Variants in MID1 observed in about 807,000 individuals in gnomAD.
The protein encoded by MID1 is midline 1.
MID1 carries 7 observed loss-of-function variants against 40.4 expected under a neutral mutation model. That is an observed-to-expected ratio of 0.17 (90% CI 0.10 to 0.33). The LOEUF is 0.33. Among genes scored for constraint, MID1 ranks in the 10% least tolerant of loss-of-function variants. The pLI, the probability that MID1 is intolerant of heterozygous loss-of-function variation, is 1.00. For synonymous variants in MID1, 229 were observed against 221.2 expected (o/e 1.04, Z -0.31); for missense variants, 367 against 558.5 (o/e 0.66, Z 3.46).
At chrX:10,583,363 C>T (rs1342043225) in intron 1 of MID1, among the ~76,000 whole-genome samples, 1 of 112,239 alleles carries the variant, frequency 8.9e-6, no homozygotes. Flanking sequence ...CATATTTGTG[C>T]TGGCTTTCTT....
At chrX:10,731,690 G>A (rs2043449455) in intron 1 of MID1, among the ~76,000 whole-genome samples, 1 of 111,155 alleles carries the variant, frequency 9.0e-6, no homozygotes, top group African/African-American at 3.3e-5. Flanking sequence ...GGGGGCGGTG[G>A]CTCATGCCTG....
At chrX:10,726,096 T>C (rs1185365457) in intron 1 of MID1, among the ~76,000 whole-genome samples, 3 of 111,764 alleles carry the variant, frequency 2.7e-5, no homozygotes, top group Non-Finnish European at 3.8e-5. Flanking sequence ...GCTGTGTAAA[T>C]AAGACATATA....
At chrX:10,831,089 A>C (rs1414959144) in intron 1 of MID1, among the ~76,000 whole-genome samples, 1 of 112,010 alleles carries the variant, frequency 8.9e-6, no homozygotes, top group Non-Finnish European at 1.9e-5. Flanking sequence ...ATAACCTTCC[A>C]GGGATCAGCT....
chrX:10,471,280 A>G (rs1414806571), intron 6 of MID1, among the ~76,000 whole-genome samples: 1 of 112,393 alleles, frequency 8.9e-6, no homozygotes, highest in African/African-American at 3.2e-5. Flanking sequence ...CCCAAAGAGG[A>G]AGAAAAGTTT....
At chrX:10,588,385 T>G (rs1935188890) in intron 1 of MID1, among the ~76,000 whole-genome samples, 1 of 111,104 alleles carries the variant, frequency 9.0e-6, no homozygotes, top group African/African-American at 3.3e-5. Flanking sequence ...CATTCGCGGG[T>G]TACTGGGTTA....
chrX:10,676,371 G>A (rs1008417849), intron 1 of MID1, among the ~76,000 whole-genome samples: 4 of 111,861 alleles, frequency 3.6e-5, no homozygotes, highest in African/African-American at 1.3e-4. Context: ...AGACAGAGAC[G>A]ATGCAGGACG....
chrX:10,801,293 T>C (rs948961145), intron 1 of MID1, among the ~76,000 whole-genome samples: 7 of 112,173 alleles, frequency 6.2e-5, no homozygotes, highest in African/African-American at 9.7e-5. Flanking sequence ...AAATATTAGA[T>C]AGAAATGACA....
intron 4 of MID1, among the ~76,000 whole-genome samples, chrX:10,487,862 A>G (rs1930706321): frequency 9.0e-6 from 1 of 111,581 alleles, no homozygotes; most frequent in African/African-American, 3.3e-5. Flanking sequence ...ATTGCCAAAG[A>G]GTATTTCATT....
intron 1 of MID1, among the ~76,000 whole-genome samples, chrX:10,655,645 G>A (rs1409649087): frequency 9.0e-6 from 1 of 111,068 alleles, no homozygotes; most frequent in Non-Finnish European, 1.9e-5. Flanking sequence ...GAATCTGGGT[G>A]TGGCCACATG....
At chrX:10,814,494 C>T (rs1327858942) in intron 1 of MID1, among the ~76,000 whole-genome samples, 1 of 110,841 alleles carries the variant, frequency 9.0e-6, no homozygotes, top group Non-Finnish European at 1.9e-5. Context: ...CCCTTGCACC[C>T]TTCACCCAGG....
At chrX:10,596,370 A>G (rs1381741132) in intron 1 of MID1, among the ~76,000 whole-genome samples, 3 of 112,332 alleles carry the variant, frequency 2.7e-5, no homozygotes, top group Non-Finnish European at 5.6e-5. Context: ...CTTTCTACTC[A>G]GTGAACAATG....
intron 1 of MID1, among the ~76,000 whole-genome samples, chrX:10,717,440 A>G (rs781575779): frequency 9.1e-4 from 100 of 110,278 alleles, no homozygotes; most frequent in African/African-American, 3.2e-3. Context: ...AGATCAAAAG[A>G]GACAAAGAAG....
intron 1 of MID1, among the ~76,000 whole-genome samples, chrX:10,643,223 A>G (rs1409638759): frequency 2.7e-5 from 3 of 111,384 alleles, no homozygotes; most frequent in African/African-American, 9.9e-5. Flanking sequence ...CAGAGTGAAC[A>G]GGCAACCTAC....
chrX:10,509,503 C>T (rs1932008115), intron 3 of MID1, among the ~76,000 whole-genome samples: 3 of 111,386 alleles, frequency 2.7e-5, no homozygotes, highest in Admixed American at 1.9e-4. Context: ...AGACCCACCT[C>T]GATCGATCTC....
In MID1 at chrX:10,614,520, C is replaced by T. The variant is rs148919539; in HGVS notation, c.-57+5770G>A. 3.2e-3 allele frequency among the ~76,000 whole-genome samples: 354 copies of T among 112,229 alleles called. 1 individual carries two copies. The highest frequency in any genetic ancestry group is 0.011 in the African/African-American group (331 of 30,916). Reference sequence around the variant, plus strand: ...AAATTTCCCCAATTAAAGATTCATCCTAAGGGTTAAAGGGATAAGAGTCAT... The same window carrying T: ...AAATTTCCCCAATTAAAGATTCATCTTAAGGGTTAAAGGGATAAGAGTCAT... On this transcript the variant is annotated intron_variant, in intron 1 of 9. Transcript: ENST00000317552.
At position 10,533,331 on chromosome X, in the gene MID1, A is replaced by AGAAAGAAAGAAAG. The variant is rs1569089521; in HGVS notation, c.661-10157_661-10145dup. 8.6e-4 allele frequency among the ~76,000 whole-genome samples: 47 copies of AGAAAGAAAGAAAG among 54,730 alleles called. 1 individual carries two copies. Among genetic ancestry groups the AGAAAGAAAGAAAG allele is most frequent in the Non-Finnish European group, 1.4e-3 (42 of 29,307 alleles). 47.5% of individuals were successfully genotyped at this position (54,730 alleles called of 115,157 possible). On this transcript the variant is annotated intron_variant, in intron 2 of 9. Transcript: ENST00000317552. ...TCCAAGAAAGAAAGAAAGAAAGGAA[A>AGAAAGAAAGAAAG]GAAAGAAAGAAAGAAAGAAAGAAAG... is the stretch of plus-strand genomic sequence containing the variant.
At chrX:10,644,484 TTTGAGTATCAGAATAAA>T (rs1254769501) in intron 1 of MID1, among the ~76,000 whole-genome samples, 1 of 110,362 alleles carries the variant, frequency 9.1e-6, no homozygotes, top group African/African-American at 3.3e-5. Flanking sequence ...TATTCATATG[TTTGAGTATCAGAATAAA>T]TATTCTGATA....
intron 4 of MID1, among the ~76,000 whole-genome samples, chrX:10,489,085 C>A (rs182038118): frequency 3.5e-4 from 39 of 111,560 alleles, no homozygotes; most frequent in Admixed American, 6.7e-4. Flanking sequence ...TGGTGAAAGG[C>A]TTGTTTTCTT....
chrX:10,767,695 T>G (rs1041188630), intron 1 of MID1, among the ~76,000 whole-genome samples: 1 of 111,915 alleles, frequency 8.9e-6, no homozygotes, highest in Non-Finnish European at 1.9e-5. Flanking sequence ...ATTTTACTGT[T>G]TGGTAAATAA....
Sources: allele counts gnomAD v4.1 joint callset (sites outside exome capture counted in the v4.1 genomes callset), GRCh38; gene constraint gnomAD v4.1.1; transcripts MANE v1.5; gene names NCBI Gene and HGNC (gene_info 2026-07-23, HGNC 2026-07-21).